KATNA1: variants seen among roughly 807,000 people sequenced by gnomAD.
KATNA1 encodes katanin p60 ATPase-containing subunit A1.
Under a neutral mutation model 62.6 loss-of-function variants are expected in KATNA1, and 42 were observed. The ratio of observed to expected loss-of-function variants is 0.67; its 90% CI spans 0.52 to 0.87. The LOEUF (loss-of-function observed/expected upper bound fraction) is 0.87, where lower values mean the gene tolerates loss of function less well. Among genes scored for constraint, KATNA1 ranks in the 40% least tolerant of loss-of-function variants. The pLI is 0.00. For missense variants in KATNA1, 498 were observed against 612.5 expected, an observed-to-expected ratio of 0.81 and a Z score of 1.97; for synonymous variants, 186 against 201.9, an observed-to-expected ratio of 0.92 and a Z score of 0.67.
rs1326322121 is a variant in KATNA1, at chr6:149,638,544, T to C, written c.4A>G (p.Ser2Gly). ...ACATTCTCACTAATCATAAGAAGAC[T>C]CATGTTCAACTGTAAGCTAAAAAGA... M[S>G]LLMISENVKL... The change falls in exon 2 of 11, where the codon AGT becomes GGT. Residue 2 changes from serine (S) to glycine (G), a missense_variant. Transcript: ENST00000367411. 2.5e-6 allele frequency: 4 copies of C among 1,610,528 alleles called. No individual in the cohort carries two copies.
At position 149,606,675 on chromosome 6, in the gene KATNA1, GTGGCACGATCT is replaced by G. The variant is rs1048996984; in HGVS notation, c.502-1904_502-1894del. 1.3e-5 allele frequency among the ~76,000 whole-genome samples: 2 copies of G among 149,764 alleles called. 1 individual carries two copies. The highest frequency in any genetic ancestry group is 2.9e-5 in the Non-Finnish European group (2 of 67,812). On this transcript the variant is annotated intron_variant, in intron 4 of 10. Transcript: ENST00000367411. ...TTCTTGTTGCCCAGGCTGGAGTGCA[GTGGCACGATCT>G]TGGCTCACTGCAACCTCTGCTTCCC... is the stretch of plus-strand genomic sequence containing the variant.
rs533383642 is a variant in KATNA1 at position 149,596,765 on chromosome 6, A to T, written c.1277+298T>A. On this transcript the variant is annotated intron_variant, in intron 10 of 10. Transcript: ENST00000367411. ...TTTTTCATGGATATGAGGTCTTGCA[A>T]TGTTACCCAGGCCAGTCAAACTCCT... 2.0e-5 allele frequency among the ~76,000 whole-genome samples: 3 copies of T among 152,100 alleles called. No individual in the cohort carries two copies. In the East Asian group the frequency reaches 5.8e-4, roughly 30 times the overall value.
chr6:149,648,144 G>C (rs1368540445), intron 1 of KATNA1, among the ~76,000 whole-genome samples: 3 of 152,152 alleles, frequency 2.0e-5, no homozygotes, highest in Non-Finnish European at 4.4e-5. Context: ...GGGGTGGGGG[G>C]CGTGAGCGGG....
chr6:149,600,193 T>TAAA (rs1328542045), intron 7 of KATNA1, among the ~76,000 whole-genome samples: 1 of 83,698 alleles, frequency 1.2e-5, no homozygotes, highest in Admixed American at 1.4e-4. Flanking sequence ...AGAGCTTATC[T>TAAA]TAAAAAAAAA....
At chr6:149,624,993 C>A (rs1779552678) in intron 3 of KATNA1, among the ~76,000 whole-genome samples, 1 of 151,486 alleles carries the variant, frequency 6.6e-6, no homozygotes, top group South Asian at 2.1e-4. Flanking sequence ...GACAGAACAT[C>A]AGTAAAGAAA....
At chr6:149,599,179 AAG>A (rs1386525013) in intron 7 of KATNA1, among the ~76,000 whole-genome samples, 1 of 152,108 alleles carries the variant, frequency 6.6e-6, no homozygotes, top group Non-Finnish European at 1.5e-5. Context: ...TTCATCTTTA[AAG>A]AGAGTCAATA....
chr6:149,596,350 C>T (rs1320430474), intron 10 of KATNA1, among the ~76,000 whole-genome samples: 1 of 152,084 alleles, frequency 6.6e-6, no homozygotes, highest in East Asian at 1.9e-4. Context: ...GCCTGGTCAA[C>T]ATGGTGAAAC....
chr6:149,647,100 A>G (rs2114649588), intron 1 of KATNA1, among the ~76,000 whole-genome samples: 1 of 152,158 alleles, frequency 6.6e-6, no homozygotes, highest in Admixed American at 6.5e-5. Flanking sequence ...GAAGCTTTAT[A>G]TAGCTTTTCA....
chr6:149,610,781 C>T (rs1778919609), intron 4 of KATNA1, among the ~76,000 whole-genome samples: 1 of 152,194 alleles, frequency 6.6e-6, no homozygotes, highest in Admixed American at 6.5e-5. Flanking sequence ...CATGGTGGCT[C>T]ACACCTGTAA....
chr6:149,615,149 A>AC (rs1021027700), intron 4 of KATNA1, among the ~76,000 whole-genome samples: 2 of 150,772 alleles, frequency 1.3e-5, no homozygotes, highest in Non-Finnish European at 3.0e-5. Context: ...AAAAAAAAAA[A>AC]AAAAAACAAC....
At chr6:149,600,770 T>TTA (rs1778509452) in intron 7 of KATNA1, among the ~76,000 whole-genome samples, 2 of 108,374 alleles carry the variant, frequency 1.8e-5, no homozygotes, top group African/African-American at 3.5e-5. Flanking sequence ...ACCCCATCTG[T>TTA]AAAAAAAAAA....
At chr6:149,642,380 C>A (rs1257174449) in intron 1 of KATNA1, among the ~76,000 whole-genome samples, 2 of 152,224 alleles carry the variant, frequency 1.3e-5, no homozygotes, top group African/African-American at 4.8e-5. Flanking sequence ...TAGACACACA[C>A]ATACACACAC....
At chr6:149,615,084 G>A (rs1234366731) in intron 4 of KATNA1, among the ~76,000 whole-genome samples, 1 of 122,174 alleles carries the variant, frequency 8.2e-6, no homozygotes, top group Non-Finnish European at 1.6e-5. Context: ...AGTAAGCTGA[G>A]ATTGTGTCAC....
At chr6:149,603,182 A>G (rs1396276095) in intron 6 of KATNA1, 86 bp downstream of exon 6, 1 of 604,702 alleles carries the variant, frequency 1.7e-6, no homozygotes, top group African/African-American at 1.9e-5. Flanking sequence ...TTCTCCCTCC[A>G]CTTTTCCCAA....
intron 2 of KATNA1, among the ~76,000 whole-genome samples, chr6:149,634,497 T>C (rs1779993740): frequency 6.6e-6 from 1 of 152,030 alleles, no homozygotes; most frequent in Admixed American, 6.6e-5. Context: ...AGTTTCATTT[T>C]TGTCAAACTT....
intron 2 of KATNA1, among the ~76,000 whole-genome samples, 179 bp from the exon 3 acceptor site, chr6:149,633,095 T>C (rs1779912953): frequency 6.8e-6 from 1 of 146,566 alleles, no homozygotes; most frequent in Non-Finnish European, 1.5e-5. Flanking sequence ...ATGTTTTCAA[T>C]TGCAATTTTT....
intron 3 of KATNA1, among the ~76,000 whole-genome samples, chr6:149,625,041 A>G (rs1236372960): frequency 6.6e-6 from 1 of 152,078 alleles, no homozygotes; most frequent in Non-Finnish European, 1.5e-5. Flanking sequence ...CATGTAAAGG[A>G]TAATAAAGAC....
At chr6:149,635,657 C>T (rs56091542) in intron 2 of KATNA1, among the ~76,000 whole-genome samples, 60,912 of 150,630 alleles carry the variant, frequency 0.4, 13,056 homozygotes, top group East Asian at 0.82. Context: ...TGCAATGAGC[C>T]GAGACTGCGC....
chr6:149,610,914 G>A (rs1258557104), intron 4 of KATNA1, among the ~76,000 whole-genome samples: 6 of 152,036 alleles, frequency 3.9e-5, no homozygotes, highest in Admixed American at 6.6e-5. Flanking sequence ...GCAAAACCCC[G>A]TCTCTTCTAA....
Sources: allele counts gnomAD v4.1 joint callset (sites outside exome capture counted in the v4.1 genomes callset), GRCh38; gene constraint gnomAD v4.1.1; transcripts MANE v1.5; gene names NCBI Gene and HGNC (gene_info 2026-07-23, HGNC 2026-07-21).